The following PTPN13 variants were observed in gnomAD, a reference collection of about 807,000 sequenced individuals.
PTPN13 encodes tyrosine-protein phosphatase non-receptor type 13.
PTPN13 carries 191 observed loss-of-function variants against 284.0 expected under a neutral mutation model. That is an observed-to-expected ratio of 0.67 (90% confidence interval 0.60 to 0.76). The LOEUF (loss-of-function observed/expected upper bound fraction) is 0.76. Among genes scored for constraint, PTPN13 ranks in the 30% least tolerant of loss-of-function variants. The pLI, the probability that PTPN13 is intolerant of heterozygous loss-of-function variation, is 0.00. For synonymous variants in PTPN13, 986 were observed against 1,022.3 expected, an observed-to-expected ratio of 0.96 and a Z score of 0.68; for missense variants, 2,797 against 2,939.9, an observed-to-expected ratio of 0.95 and a Z score of 1.12.
In PTPN13 at chr4:86,693,411, C is replaced by T. The variant is rs547395711; in HGVS notation, c.547-176C>T. On this transcript the variant is annotated intron_variant, in intron 5 of 47. Coordinates refer to ENST00000411767, the MANE Select transcript of PTPN13 (RefSeq NM_080683.3). ...AAATGAATTGGCCAGCACTGGTCTACATAAATCTTATCCAAGAATACAAAT... is the reference window on the plus strand; with the variant it reads ...AAATGAATTGGCCAGCACTGGTCTATATAAATCTTATCCAAGAATACAAAT... Among the ~76,000 whole-genome samples the T allele has an allele frequency of 3.9e-4, 59 of 152,144 alleles. 1 individual carries two copies. Among genetic ancestry groups the T allele is most frequent in the Non-Finnish European group, 6.9e-4 (47 of 68,042 alleles).
At chr4:86,758,548 A>C (rs1578592030) in intron 21 of PTPN13, 130 bp from the exon 22 acceptor site, 1 of 967,930 alleles carries the variant, frequency 1.0e-6, no homozygotes, top group East Asian at 2.5e-5. Context: ...TACTTCCACA[A>C]AATTTAATAT....
At chr4:86,710,141 T>C (rs71605610) in intron 7 of PTPN13, among the ~76,000 whole-genome samples, 6,915 of 152,296 alleles carry the variant, frequency 0.045, 198 homozygotes, top group Non-Finnish European at 0.061. Flanking sequence ...ATACATAATA[T>C]TATTACTGTG....
chr4:86,719,927 C>T (rs1043656802), intron 9 of PTPN13, among the ~76,000 whole-genome samples: 4 of 151,914 alleles, frequency 2.6e-5, no homozygotes, highest in Non-Finnish European at 1.5e-5. Context: ...TGTCTGTTTA[C>T]TCTGTTTTTC....
At chr4:86,787,734 C>T (rs564088862) in intron 40 of PTPN13, among the ~76,000 whole-genome samples, 5 of 152,094 alleles carry the variant, frequency 3.3e-5, no homozygotes, top group East Asian at 1.9e-4. Context: ...TTTTAATATA[C>T]GTTTTATCAC....
intron 40 of PTPN13, among the ~76,000 whole-genome samples, chr4:86,786,974 G>A (rs557206034): frequency 1.6e-4 from 25 of 151,736 alleles, no homozygotes; most frequent in South Asian, 1.0e-3. Context: ...ATGTGGTGGC[G>A]CACACCTGTA....
chr4:86,702,945 C>G (rs1731323614), intron 7 of PTPN13, among the ~76,000 whole-genome samples: 1 of 151,814 alleles, frequency 6.6e-6, no homozygotes, highest in African/African-American at 2.4e-5. Context: ...AATATATTTC[C>G]TTTAAAGTAT....
At chr4:86,734,262 A>AT (rs904675072) in intron 12 of PTPN13, 41 bp from the exon 13 acceptor site, 7 of 1,361,490 alleles carry the variant, frequency 5.1e-6, no homozygotes, top group Non-Finnish European at 6.9e-6. Context: ...ACACTAAAGT[A>AT]TTTTTTTATT....
intron 2 of PTPN13, among the ~76,000 whole-genome samples, chr4:86,640,774 C>T (rs1029537007): frequency 1.3e-5 from 2 of 152,114 alleles, no homozygotes; most frequent in East Asian, 1.9e-4. Context: ...GGTGTTGTCA[C>T]TGAGAGGCAA....
intron 33 of PTPN13, 37 bp downstream of exon 33, chr4:86,774,568 T>C: frequency 6.5e-7 from 1 of 1,540,682 alleles, no homozygotes; most frequent in South Asian, 1.2e-5. Context: ...TTTGTGTAAA[T>C]GTAGACAAAG....
intron 35 of PTPN13, among the ~76,000 whole-genome samples, chr4:86,778,466 A>C (rs1444101241): frequency 4.1e-5 from 6 of 145,114 alleles, no homozygotes; most frequent in African/African-American, 1.5e-4. Flanking sequence ...CCGCCCACCC[A>C]GGCAAAGCAG....
rs967174095 is a variant in PTPN13, at chr4:86,762,820, A to G, written c.3647A>G (p.Lys1216Arg). The change falls in exon 24 of 48, where the codon AAG becomes AGG. Residue 1216 changes from lysine (K) to arginine (R), a missense_variant. Transcript: ENST00000411767. ...GACAGTGCTATAGATTCTTCTTCCA[A>G]GGATCACCACTGGTCACGTGGTACC... ...MQDSAIDSSS[K>R]DHHWSRGTLR... 4 of 1,613,794 alleles carry G rather than the reference A, an allele frequency of 2.5e-6. No individual in the cohort carries two copies. Among genetic ancestry groups the G allele is most frequent in the Middle Eastern group, 1.6e-4 (1 of 6,084 alleles).
intron 2 of PTPN13, among the ~76,000 whole-genome samples, chr4:86,643,815 T>C (rs1178953718): frequency 1.3e-5 from 2 of 152,136 alleles, no homozygotes; most frequent in African/African-American, 2.4e-5. Flanking sequence ...GCAGAAATAA[T>C]GTAACTATTT....
intron 10 of PTPN13, among the ~76,000 whole-genome samples, 170 bp from the exon 11 acceptor site, chr4:86,732,230 T>G (rs1175318807): frequency 1.3e-5 from 2 of 152,334 alleles, no homozygotes; most frequent in Middle Eastern, 3.4e-3. Context: ...ATTGGTAAAT[T>G]CCAGTATACC....
chr4:86,758,784 A>G lies in PTPN13; in HGVS notation c.3420A>G (p.Pro1140=), dbSNP rs1465868691. 1.2e-6 allele frequency: 2 copies of G among 1,612,148 alleles called. No homozygotes were observed. The highest frequency in any genetic ancestry group is 1.7e-6 in the Non-Finnish European group (2 of 1,179,060). Residue 1140 remains proline (P), a splice_region_variant and synonymous_variant, in exon 22 of 48, where the codon CCA becomes CCG. Transcript: ENST00000411767. ...CTGACTTGGATGGATGCTTGAAGCC[A>G]GGTACTTTACATTTTGGTAGTTTTC... ...GPADLDGCLK[P]GDRLISVNSV...
chr4:86,716,956 A>G, intron 8 of PTPN13, 68 bp from the exon 9 acceptor site: 1 of 1,071,954 alleles, frequency 9.3e-7, no homozygotes, highest in Non-Finnish European at 1.4e-6. Flanking sequence ...TAAGTGTTTG[A>G]GTTTTAAATG....
chr4:86,747,103 T>A (rs995758821), intron 17 of PTPN13, among the ~76,000 whole-genome samples: 1 of 152,242 alleles, frequency 6.6e-6, no homozygotes, highest in Non-Finnish European at 1.5e-5. Context: ...TTCATTATAG[T>A]TGTTGTATAG....
intron 2 of PTPN13, among the ~76,000 whole-genome samples, chr4:86,658,567 T>G (rs889266435): frequency 2.6e-5 from 4 of 152,178 alleles, no homozygotes; most frequent in African/African-American, 9.7e-5. Flanking sequence ...CTGTTTTCTT[T>G]TCAAAGAGAA....
chr4:86,794,430 C>A (rs1435232810), intron 40 of PTPN13, among the ~76,000 whole-genome samples: 1 of 152,128 alleles, frequency 6.6e-6, no homozygotes, highest in Non-Finnish European at 1.5e-5. Context: ...ATTCCATGCT[C>A]ATGGATAGGA....
intron 26 of PTPN13, among the ~76,000 whole-genome samples, chr4:86,765,987 C>T (rs1386410192): frequency 1.3e-5 from 2 of 152,078 alleles, no homozygotes; most frequent in African/African-American, 2.4e-5. Context: ...ACCACCATGC[C>T]GGGCTAATTT....
Sources: allele counts gnomAD v4.1 joint callset (sites outside exome capture counted in the v4.1 genomes callset), GRCh38; gene constraint gnomAD v4.1.1; transcripts MANE v1.5; gene names NCBI Gene and HGNC (gene_info 2026-07-23, HGNC 2026-07-21).